The following SATL1 variants were observed in gnomAD, a reference collection of about 807,000 sequenced individuals.
SATL1 encodes spermidine/spermine N1-acetyl transferase like 1.
A neutral mutation model predicts 51.8 loss-of-function variants in SATL1; 47 were observed. The ratio of observed to expected loss-of-function variants is 0.91; its 90% confidence interval spans 0.72 to 1.16. The LOEUF is 1.16. Ranked by LOEUF, SATL1 falls within the 50% of genes most tolerant of loss-of-function variation. The probability of loss-of-function intolerance (pLI) is 0.00; values close to 1 mark genes in which losing one functional copy is unlikely to be tolerated. For missense variants in SATL1, 520 were observed against 526.4 expected, an observed-to-expected ratio of 0.99 and a Z score of 0.12; for synonymous variants, 176 against 182.4, an observed-to-expected ratio of 0.97 and a Z score of 0.28.
chrX:85,167,448 A>G (rs751331965), intron 2 of SATL1, among the ~76,000 whole-genome samples: 2 of 111,427 alleles, frequency 1.8e-5, no homozygotes, highest in East Asian at 5.6e-4. Flanking sequence ...AAAATGACAA[A>G]TGAGATATTA....
intron 2 of SATL1, among the ~76,000 whole-genome samples, chrX:85,140,030 CTTG>C (rs1926071147): frequency 9.0e-6 from 1 of 111,506 alleles, no homozygotes; most frequent in Non-Finnish European, 1.9e-5. Context: ...CTGCTATTAG[CTTG>C]TTATGTTTTT....
intron 2 of SATL1, among the ~76,000 whole-genome samples, chrX:85,191,956 A>G (rs1427251144): frequency 8.9e-6 from 1 of 112,161 alleles, no homozygotes; most frequent in Non-Finnish European, 1.9e-5. Flanking sequence ...GTCTCAGTAA[A>G]AGAGACCATT....
chrX:85,218,648 A>G (rs1383517860), intron 2 of SATL1, among the ~76,000 whole-genome samples: 1 of 112,211 alleles, frequency 8.9e-6, no homozygotes, highest in Non-Finnish European at 1.9e-5. Context: ...CATAAAAGCA[A>G]CAAATTTAAT....
At chrX:85,172,267 A>G (rs768427479) in intron 2 of SATL1, among the ~76,000 whole-genome samples, 32 of 111,685 alleles carry the variant, frequency 2.9e-4, no homozygotes, top group African/African-American at 1.0e-3. Flanking sequence ...ATTCATTTAC[A>G]TAGACATTTA....
At chrX:85,206,161 G>C (rs1302426511) in intron 2 of SATL1, among the ~76,000 whole-genome samples, 2 of 111,748 alleles carry the variant, frequency 1.8e-5, no homozygotes, top group Non-Finnish European at 3.8e-5. Context: ...ATAGACAGTT[G>C]GATATGTGAA....
chrX:85,158,791 T>G (rs1926651300), intron 2 of SATL1, among the ~76,000 whole-genome samples: 1 of 111,451 alleles, frequency 9.0e-6, no homozygotes, highest in African/African-American at 3.3e-5. Flanking sequence ...CACTGAATAA[T>G]AATCCGATTT....
At chrX:85,165,469 C>A (rs1317772413) in intron 2 of SATL1, among the ~76,000 whole-genome samples, 5 of 89,798 alleles carry the variant, frequency 5.6e-5, no homozygotes, top group African/African-American at 4.1e-5. Flanking sequence ...TTTTTTTTTT[C>A]TTTAAGTTGA....
chrX:85,156,629 G>T (rs762982970), intron 2 of SATL1, among the ~76,000 whole-genome samples: 9 of 107,998 alleles, frequency 8.3e-5, no homozygotes, highest in Non-Finnish European at 1.7e-4. Context: ...CAGGCCTGGG[G>T]CATTTACATT....
chrX:85,136,477 G>T (rs1245194896), intron 2 of SATL1, among the ~76,000 whole-genome samples: 1 of 111,906 alleles, frequency 8.9e-6, no homozygotes, highest in Non-Finnish European at 1.9e-5. Context: ...ATAGAGGTAT[G>T]GGGAAAGTCT....
intron 2 of SATL1, among the ~76,000 whole-genome samples, chrX:85,189,490 A>C (rs762322453): frequency 8.9e-6 from 1 of 112,243 alleles, no homozygotes; most frequent in African/African-American, 3.2e-5. Flanking sequence ...GCTTCCCCAC[A>C]GTTAAAGACT....
chrX:85,200,208 ATTC>A (rs1927661104), intron 2 of SATL1, among the ~76,000 whole-genome samples: 1 of 111,359 alleles, frequency 9.0e-6, no homozygotes, highest in Non-Finnish European at 1.9e-5. Context: ...TCCTCTCATC[ATTC>A]TTTAGAGACA....
intron 7 of SATL1, 103 bp downstream of exon 7, chrX:85,093,082 G>A (rs1481287487): frequency 1.3e-6 from 1 of 787,307 alleles, no homozygotes; most frequent in East Asian, 3.5e-5. Context: ...TATATGTTGG[G>A]GTTATGTTCA....
chrX:85,123,413 T>C (rs1925549975), intron 2 of SATL1, among the ~76,000 whole-genome samples: 1 of 111,650 alleles, frequency 9.0e-6, no homozygotes, highest in African/African-American at 3.3e-5. Flanking sequence ...TAATGATCAG[T>C]GATATCAAGC....
At chrX:85,130,420 G>A (rs919710052) in intron 2 of SATL1, among the ~76,000 whole-genome samples, 3 of 111,443 alleles carry the variant, frequency 2.7e-5, no homozygotes, top group Non-Finnish European at 3.8e-5. Context: ...CTAGATTTTC[G>A]AGTGTATTTG....
intron 2 of SATL1, chrX:85,143,005 A>G (rs1259288023): frequency 2.7e-5 from 3 of 110,164 alleles, no homozygotes; most frequent in Non-Finnish European, 5.7e-5. Flanking sequence ...ATGATTGTTC[A>G]GCACTCTTGG....
At chrX:85,224,590 C>T (rs1267003470) in intron 1 of SATL1, among the ~76,000 whole-genome samples, 1 of 110,001 alleles carries the variant, frequency 9.1e-6, no homozygotes. Flanking sequence ...AATATCTAAG[C>T]TTGTTCCTTT....
chrX:85,231,882 A>G (rs1928388278), intron 1 of SATL1, among the ~76,000 whole-genome samples: 1 of 110,376 alleles, frequency 9.1e-6, no homozygotes, highest in South Asian at 3.9e-4. Flanking sequence ...TTCCTATGCA[A>G]GTACTCCTGC....
chrX:85,152,253 A>C (rs922515895), intron 2 of SATL1, among the ~76,000 whole-genome samples: 1 of 111,985 alleles, frequency 8.9e-6, no homozygotes, highest in African/African-American at 3.2e-5. Context: ...AATGCAAATC[A>C]AAACCACAAT....
At chrX:85,177,400 T>C (rs1333137793) in intron 2 of SATL1, among the ~76,000 whole-genome samples, 1 of 111,805 alleles carries the variant, frequency 8.9e-6, no homozygotes, top group African/African-American at 3.2e-5. Flanking sequence ...AAAAAGTTAT[T>C]TTAAAATAAA....
Sources: gnomAD v4.1 joint callset for allele counts (sites outside exome capture counted in the v4.1 genomes callset) on GRCh38, gnomAD v4.1.1 for gene constraint, MANE v1.5 for transcripts, NCBI Gene and HGNC (gene_info 2026-07-23, HGNC 2026-07-21) for gene names.